Variants in TMTC2 observed in about 807,000 individuals in gnomAD.
TMTC2 encodes the protein transmembrane O-mannosyltransferase targeting cadherins 2, also known as protein O-mannosyl-transferase TMTC2.
TMTC2 carries 43 observed loss-of-function variants against 82.4 expected under a neutral mutation model. The ratio of observed to expected loss-of-function variants is 0.52; its 90% CI spans 0.41 to 0.67. TMTC2 has a LOEUF of 0.67. TMTC2 is among the 30% of genes least tolerant of loss of function. TMTC2 has a pLI of 0.00. For synonymous variants in TMTC2, 408 were observed against 381.9 expected (o/e 1.07, Z -0.80); for missense variants, 919 against 1,012.4 (o/e 0.91, Z 1.25).
chr12:82,842,144 C>A (rs748493509), intron 1 of TMTC2, among the ~76,000 whole-genome samples: 7 of 152,166 alleles, frequency 4.6e-5, no homozygotes, highest in Admixed American at 1.3e-4. Flanking sequence ...GTCCTTTCTG[C>A]CTCTTATTAA....
At chr12:83,100,858 C>G (rs577959911) in intron 11 of TMTC2, among the ~76,000 whole-genome samples, 1 of 152,136 alleles carries the variant, frequency 6.6e-6, no homozygotes, top group Non-Finnish European at 1.5e-5. Flanking sequence ...ATAGCTATTA[C>G]GAAGCCTCTG....
At chr12:82,821,330 C>G (rs1206546896) in intron 1 of TMTC2, among the ~76,000 whole-genome samples, 1 of 152,094 alleles carries the variant, frequency 6.6e-6, no homozygotes, top group Non-Finnish European at 1.5e-5. Context: ...TCTTTCTTTA[C>G]CATTTAATTT....
chr12:83,075,395 A>G lies in TMTC2; in HGVS notation c.2331+13564A>G, dbSNP rs1026556987. 5.9e-5 allele frequency among the ~76,000 whole-genome samples: 9 copies of G among 152,262 alleles called. No individual in the cohort carries two copies. The South Asian group carries it at 1.9e-3, about 32-fold the overall frequency. ...CTAGTCCTGCCTCCCATCCTCCATG[A>G]TGATCTCTTGTCCATCTGTATATTT... On this transcript the variant is annotated intron_variant, in intron 11 of 11. Transcript: ENST00000321196.
At chr12:82,943,491 T>C (rs1354383004) in intron 4 of TMTC2, among the ~76,000 whole-genome samples, 11 of 152,244 alleles carry the variant, frequency 7.2e-5, no homozygotes, top group Non-Finnish European at 1.6e-4. Context: ...TCAGTTACAC[T>C]GCATCCCTGC....
At chr12:82,910,588 C>G (rs1565805537) in intron 3 of TMTC2, among the ~76,000 whole-genome samples, 1 of 152,158 alleles carries the variant, frequency 6.6e-6, no homozygotes, top group African/African-American at 2.4e-5. Flanking sequence ...TCAGAAGAAT[C>G]GGATTACATG....
intron 11 of TMTC2, among the ~76,000 whole-genome samples, chr12:83,096,492 C>G (rs1482454422): frequency 6.6e-6 from 1 of 152,176 alleles, no homozygotes. Context: ...CTTTAATGGA[C>G]AGTTAATTTG....
intron 8 of TMTC2, among the ~76,000 whole-genome samples, chr12:83,012,484 A>C (rs1880504105): frequency 6.6e-6 from 1 of 152,182 alleles, no homozygotes; most frequent in African/African-American, 2.4e-5. Context: ...GGCTGAATTT[A>C]AAGAGTCAAA....
chr12:82,790,232 T>G (rs1878398668), intron 1 of TMTC2, among the ~76,000 whole-genome samples: 1 of 150,952 alleles, frequency 6.6e-6, no homozygotes, highest in African/African-American at 2.4e-5. Context: ...TCATGGACAG[T>G]CTTGTGCTTT....
At chr12:83,126,591 T>C (rs565480196) in intron 11 of TMTC2, among the ~76,000 whole-genome samples, 1 of 151,894 alleles carries the variant, frequency 6.6e-6, no homozygotes, top group African/African-American at 2.4e-5. Flanking sequence ...ACAAAAGGGG[T>C]AGGATAAAAT....
chr12:82,897,610 C>G lies in TMTC2; in HGVS notation c.1483+964C>G, dbSNP rs186999379. On this transcript the variant is annotated intron_variant, in intron 3 of 11. Transcript: ENST00000321196. ...GCATGATCTCGACTTACTGCAACCT[C>G]CACCTCCTGGGTTCAAGCGATTCTC... is the stretch of plus-strand genomic sequence containing the variant. 5.6e-3 allele frequency among the ~76,000 whole-genome samples: 845 copies of G among 152,236 alleles called. 7 individuals carry two copies. Among genetic ancestry groups the G allele is most frequent in the African/African-American group, 0.019 (794 of 41,544 alleles).
chr12:82,773,214 CTA>C lies in TMTC2; in HGVS notation c.84-83794_84-83793del, dbSNP rs1031801718. Among the ~76,000 whole-genome samples, 7 of 152,264 alleles carry C rather than the reference CTA, an allele frequency of 4.6e-5. No individual in the cohort carries two copies. In the South Asian group the frequency reaches 1.5e-3, roughly 32 times the overall value. ...TGGTTGTCACCAGTGACTACAGCTT[CTA>C]TGTCTTTTTGGCAGTTTGAGAGTCT... On this transcript the variant is annotated intron_variant, in intron 1 of 11. Transcript: ENST00000321196.
chr12:82,938,842 T>C lies in TMTC2; in HGVS notation c.1598+8297T>C, dbSNP rs999951504. 2.6e-5 allele frequency among the ~76,000 whole-genome samples: 4 copies of C among 152,176 alleles called. 1 individual carries two copies. The highest frequency in any genetic ancestry group is 5.9e-5 in the Non-Finnish European group (4 of 68,020). ...ATATGGAGTAAAACATAGAAGTCCC[T>C]ATTATTGCATTCCTCATGTCCTTTT... On this transcript the variant is annotated intron_variant, in intron 4 of 11. Transcript: ENST00000321196.
rs752658215 is a variant in TMTC2, at chr12:82,870,902, A to T, written c.654+13322A>T. On this transcript the variant is annotated intron_variant, in intron 2 of 11. Transcript: ENST00000321196. The stretch of plus-strand genomic sequence containing the variant: ...GCTGAATTTAAGTTGTCAAAGCAGC[A>T]GCCTGAAGTTTCTGGTTCTTGGACA... Among the ~76,000 whole-genome samples, 3 of 152,366 alleles carry T rather than the reference A, an allele frequency of 2.0e-5. 1 individual carries two copies. Among genetic ancestry groups the T allele is most frequent in the Middle Eastern group, 6.8e-3 (2 of 294 alleles).
At chr12:82,766,724 A>C (rs554950808) in intron 1 of TMTC2, among the ~76,000 whole-genome samples, 2 of 152,232 alleles carry the variant, frequency 1.3e-5, no homozygotes, top group Non-Finnish European at 2.9e-5. Flanking sequence ...CTTACATTGT[A>C]GGCAATACTA....
intron 1 of TMTC2, among the ~76,000 whole-genome samples, chr12:82,750,715 A>G (rs1042946855): frequency 3.3e-5 from 5 of 152,134 alleles, no homozygotes; most frequent in African/African-American, 1.2e-4. Flanking sequence ...AGTGCTTTAT[A>G]GGTATTATTT....
At chr12:83,009,572 G>A (rs1880361198) in intron 8 of TMTC2, among the ~76,000 whole-genome samples, 1 of 152,088 alleles carries the variant, frequency 6.6e-6, no homozygotes, top group Admixed American at 6.5e-5. Flanking sequence ...TTGATTTCCA[G>A]TTTGTCTAGT....
intron 8 of TMTC2, among the ~76,000 whole-genome samples, chr12:83,025,254 G>T (rs1029005311): frequency 1.3e-5 from 2 of 152,046 alleles, no homozygotes; most frequent in Admixed American, 1.3e-4. Flanking sequence ...ATGTTGACTG[G>T]TTATTGTATT....
rs575260141 is a variant in TMTC2 at position 82,780,436 on chromosome 12, T to A, written c.84-76574T>A. Among the ~76,000 whole-genome samples the A allele has an allele frequency of 7.7e-4, 108 of 140,206 alleles. 2 individuals are homozygous for A. The highest frequency in any genetic ancestry group is 2.8e-3 in the African/African-American group (102 of 35,992). The allele number at this position is 140,206 out of a possible 152,430, so 92.0% of individuals were successfully genotyped here. A position where few individuals can be genotyped will look rare whatever the true frequency, so the allele number is the denominator to read the frequency against. Reference sequence around the variant, plus strand: ...GCTTCATTTTCACAACAGTAAACAGTTTTTTTTTTTGTTGAGTGTTTATGT... The same window carrying A: ...GCTTCATTTTCACAACAGTAAACAGATTTTTTTTTTGTTGAGTGTTTATGT... On this transcript the variant is annotated intron_variant, in intron 1 of 11. Coordinates refer to ENST00000321196, the MANE Select transcript of TMTC2 (RefSeq NM_152588.3).
chr12:82,834,230 T>C (rs1869904855), intron 1 of TMTC2, among the ~76,000 whole-genome samples: 1 of 152,224 alleles, frequency 6.6e-6, no homozygotes, highest in East Asian at 1.9e-4. Context: ...GCAGATATCA[T>C]GGACGTTCTA....
Sources: gnomAD v4.1 joint callset for allele counts (sites outside exome capture counted in the v4.1 genomes callset) on GRCh38, gnomAD v4.1.1 for gene constraint, MANE v1.5 for transcripts, NCBI Gene and HGNC (gene_info 2026-07-23, HGNC 2026-07-21) for gene names.